Variants in EPHB1 observed in about 807,000 individuals in gnomAD.
EPHB1 encodes the protein ephrin type-B receptor 1.
Under a neutral mutation model 94.4 loss-of-function variants are expected in EPHB1, and 30 were observed. The ratio of observed to expected loss-of-function variants is 0.32; its 90% CI spans 0.24 to 0.43. The LOEUF is 0.43. EPHB1 is among the 20% of genes least tolerant of loss of function. The pLI is 1.00. For synonymous variants in EPHB1, 522 were observed against 489.1 expected (o/e 1.07, Z -0.89); for missense variants, 1,055 against 1,308.3 (o/e 0.81, Z 2.99).
At chr3:134,886,082 G>A (rs899863581) in intron 1 of EPHB1, among the ~76,000 whole-genome samples, 2 of 152,220 alleles carry the variant, frequency 1.3e-5, no homozygotes, top group African/African-American at 4.8e-5. Flanking sequence ...GTTAAAGTTA[G>A]TTACAGAAAA....
In EPHB1 at chr3:135,259,071, T is replaced by C. The variant is rs1173387194; in HGVS notation, c.2906T>C (p.Ile969Thr). The change falls in exon 16 of 16, where the codon ATT becomes ACT. Residue 969 changes from isoleucine to threonine, a missense_variant. Coordinates refer to ENST00000398015, the MANE Select transcript of EPHB1 (RefSeq NM_004441.5). ...AGHQKKILNS[I>T]HSMRVQISQS... is the part of the protein sequence containing the mutation. The stretch of plus-strand genomic sequence containing the variant: ...CATCAGAAGAAGATCCTGAACAGCA[T>C]TCATTCTATGAGGGTCCAGATAAGT... The C allele has an allele frequency of 6.2e-7, 1 of 1,610,888 alleles. No individual in the cohort carries two copies. Among genetic ancestry groups the C allele is most frequent in the Non-Finnish European group, 8.5e-7 (1 of 1,178,788 alleles).
At chr3:135,228,426 A>G (rs1405491326) in intron 12 of EPHB1, among the ~76,000 whole-genome samples, 1 of 152,046 alleles carries the variant, frequency 6.6e-6, no homozygotes, top group African/African-American at 2.4e-5. Flanking sequence ...TATATTTTAA[A>G]TTTTGGTAGC....
At chr3:134,839,399 G>A (rs1400082186) in intron 1 of EPHB1, among the ~76,000 whole-genome samples, 7 of 152,176 alleles carry the variant, frequency 4.6e-5, no homozygotes, top group Non-Finnish European at 7.3e-5. Flanking sequence ...GTTGTTGGAG[G>A]TTCTGGCTAT....
intron 12 of EPHB1, among the ~76,000 whole-genome samples, chr3:135,219,220 C>A (rs140447043): frequency 3.9e-5 from 6 of 152,234 alleles, no homozygotes; most frequent in African/African-American, 1.4e-4. Context: ...GGTGTGTTAG[C>A]TCTGGAAGGG....
intron 3 of EPHB1, among the ~76,000 whole-genome samples, chr3:135,024,045 C>T (rs1936059701): frequency 6.6e-6 from 1 of 152,186 alleles, no homozygotes; most frequent in Non-Finnish European, 1.5e-5. Flanking sequence ...CCCGCTGCAA[C>T]TTTAAATACA....
chr3:134,951,347 G>A lies in EPHB1; in HGVS notation c.124-24G>A, dbSNP rs770655335. On this transcript the variant is annotated intron_variant, in intron 2 of 15. Transcript: ENST00000398015. This position sits in a 1 kb window ranked among gnomAD's most constrained non-coding sequence, Gnocchi z 4.5. ...CTCTATTTTGTGTTTTTGCATGTGT[G>A]TGCCTGTGGCCTGCTATGTACAGTG... 2.0e-6 allele frequency: 3 copies of A among 1,517,258 alleles called. No homozygotes were observed. The African/African-American group carries it at 4.2e-5, about 21-fold the overall frequency. The allele number at this position is 1,517,258 out of a possible 1,614,324, so 94.0% of individuals were successfully genotyped here.
At chr3:135,209,886 C>T (rs1485545689) in intron 12 of EPHB1, among the ~76,000 whole-genome samples, 2 of 152,114 alleles carry the variant, frequency 1.3e-5, no homozygotes, top group African/African-American at 2.4e-5. Flanking sequence ...GGGCAATGGG[C>T]CTGGGATGCA....
chr3:135,081,369 G>C (rs1226028203), intron 3 of EPHB1, among the ~76,000 whole-genome samples: 1 of 152,202 alleles, frequency 6.6e-6, no homozygotes, highest in Admixed American at 6.5e-5. Flanking sequence ...AGTAGAATCA[G>C]ATTTGCTAAA....
At position 134,815,164 on chromosome 3, in the gene EPHB1, A is replaced by G. The variant is rs147117081; in HGVS notation, c.58+19475A>G. On this transcript the variant is annotated intron_variant, in intron 1 of 15. Coordinates refer to ENST00000398015, the MANE Select transcript of EPHB1 (RefSeq NM_004441.5). ...TTTGGACAACAAACAAAATTGGAAT[A>G]TAGCCTTCCAAAATTCAGGGAGTGG... is the stretch of plus-strand genomic sequence containing the variant. 2.5e-3 allele frequency among the ~76,000 whole-genome samples: 380 copies of G among 152,372 alleles called. 2 individuals carry two copies. Among genetic ancestry groups the G allele is most frequent in the African/African-American group, 8.4e-3 (349 of 41,594 alleles).
rs187385340 is a variant in EPHB1, at chr3:134,997,368, T to G, written c.805+45316T>G. On this transcript the variant is annotated intron_variant, in intron 3 of 15. Transcript: ENST00000398015. ...CTTCTGGTGATTTTTCCTGGTGAGCTCATCTGTCTGTAGGCAGAAACCTTT... is the reference window on the plus strand; with the variant it reads ...CTTCTGGTGATTTTTCCTGGTGAGCGCATCTGTCTGTAGGCAGAAACCTTT... 4.4e-4 allele frequency among the ~76,000 whole-genome samples: 67 copies of G among 152,336 alleles called. No homozygotes were observed. In the Middle Eastern group the frequency reaches 0.01, roughly 23 times the overall value.
intron 3 of EPHB1, among the ~76,000 whole-genome samples, chr3:135,037,217 T>C (rs774145801): frequency 6.6e-6 from 1 of 152,174 alleles, no homozygotes; most frequent in Admixed American, 6.5e-5. Context: ...TTACTCCAGA[T>C]GCACTCTGAA....
chr3:135,000,567 A>ATTGTTT (rs1935140205), intron 3 of EPHB1, among the ~76,000 whole-genome samples: 1 of 152,186 alleles, frequency 6.6e-6, no homozygotes, highest in Non-Finnish European at 1.5e-5. Context: ...AATCATGCAA[A>ATTGTTT]AATAACGCAA....
At chr3:135,202,643 A>G (rs1253438246) in intron 12 of EPHB1, among the ~76,000 whole-genome samples, 1 of 152,234 alleles carries the variant, frequency 6.6e-6, no homozygotes, top group African/African-American at 2.4e-5. Context: ...ATGCATAATT[A>G]TTACAAAAAT....
intron 13 of EPHB1, 52 bp downstream of exon 13, chr3:135,241,349 A>G: frequency 6.2e-7 from 1 of 1,607,688 alleles, no homozygotes; most frequent in Non-Finnish European, 8.5e-7. Context: ...AGGGATCCCA[A>G]AGGCAGTAGC....
At chr3:135,174,330 C>A (rs890174910) in intron 9 of EPHB1, among the ~76,000 whole-genome samples, 3 of 152,192 alleles carry the variant, frequency 2.0e-5, no homozygotes, top group African/African-American at 7.2e-5. Flanking sequence ...TCTCCCCACT[C>A]ATGCACTGCC....
intron 1 of EPHB1, among the ~76,000 whole-genome samples, chr3:134,828,278 T>G (rs140027292): frequency 1.2e-3 from 183 of 152,200 alleles, no homozygotes; most frequent in African/African-American, 4.1e-3. Flanking sequence ...ACTGTGTGAG[T>G]AGGAACAAAA....
At chr3:135,057,592 G>T (rs543646209) in intron 3 of EPHB1, among the ~76,000 whole-genome samples, 1 of 152,274 alleles carries the variant, frequency 6.6e-6, no homozygotes, top group South Asian at 2.1e-4. Flanking sequence ...CCTCAGAGGG[G>T]TCCTGTCCCT....
intron 3 of EPHB1, among the ~76,000 whole-genome samples, chr3:135,008,722 C>T (rs1157803150): frequency 6.6e-6 from 1 of 152,114 alleles, no homozygotes; most frequent in Non-Finnish European, 1.5e-5. Context: ...ATGGCATTTC[C>T]TAGTTGAGTG....
intron 1 of EPHB1, among the ~76,000 whole-genome samples, chr3:134,898,296 G>GA (rs1038305500): frequency 2.0e-5 from 3 of 151,950 alleles, no homozygotes; most frequent in Admixed American, 6.6e-5. Flanking sequence ...ATTTTCAGAT[G>GA]AAAAAAAATC....
Sources: allele counts gnomAD v4.1 joint callset (sites outside exome capture counted in the v4.1 genomes callset), GRCh38; gene constraint gnomAD v4.1.1; non-coding constraint Gnocchi (gnomAD v3.1); transcripts MANE v1.5; gene names NCBI Gene and HGNC (gene_info 2026-07-23, HGNC 2026-07-21).